RALGAPA2: variants seen among roughly 807,000 people sequenced by gnomAD.
The protein encoded by RALGAPA2 is ral GTPase-activating protein subunit alpha-2.
RALGAPA2 carries 139 observed loss-of-function variants against 230.4 expected under a neutral mutation model. The ratio of observed to expected loss-of-function variants is 0.60; its 90% CI spans 0.53 to 0.69. The LOEUF (loss-of-function observed/expected upper bound fraction) is 0.69, where lower values mean the gene tolerates loss of function less well. Ranked by LOEUF, RALGAPA2 falls within the 30% of genes least tolerant of loss-of-function variation. The pLI, the probability that RALGAPA2 is intolerant of heterozygous loss-of-function variation, is 0.00. For synonymous variants in RALGAPA2, 847 were observed against 837.8 expected (o/e 1.01, Z -0.19); for missense variants, 2,163 against 2,276.0 (o/e 0.95, Z 1.01).
At chr20:20,529,118 G>A (rs111314514) in intron 27 of RALGAPA2, among the ~76,000 whole-genome samples, 1,677 of 152,292 alleles carry the variant, frequency 0.011, 25 homozygotes, top group African/African-American at 0.039. Flanking sequence ...GGGGAGGGAG[G>A]TGTCCTCAGA....
intron 23 of RALGAPA2, among the ~76,000 whole-genome samples, chr20:20,551,052 C>T (rs2063910319): frequency 6.6e-6 from 1 of 152,198 alleles, no homozygotes; most frequent in African/African-American, 2.4e-5. Flanking sequence ...TTTCAAGCAA[C>T]ACCCTTAACA....
intron 37 of RALGAPA2, among the ~76,000 whole-genome samples, chr20:20,456,110 T>G (rs888876630): frequency 1.3e-5 from 2 of 152,260 alleles, no homozygotes; most frequent in African/African-American, 4.8e-5. Context: ...ATCAGTTATC[T>G]TTTCAGTATC....
chr20:20,455,697 A>C (rs1252368906), intron 37 of RALGAPA2, among the ~76,000 whole-genome samples: 1 of 152,248 alleles, frequency 6.6e-6, no homozygotes, highest in African/African-American at 2.4e-5. Flanking sequence ...TACTATAAAA[A>C]GACACAATCC....
Position 20,535,805 on chromosome 20 carries a change from T to TA in RALGAPA2, c.3415-3dup, listed in dbSNP as rs748644848. On this transcript the variant is annotated splice_region_variant and splice_polypyrimidine_tract_variant and intron_variant, in intron 25 of 39. Transcript: ENST00000202677. ...CAGTAAAATATTTATGAGGTAATGC[T>TA]AAAAACACAAAATTAAGTAAAATAA... is the stretch of plus-strand genomic sequence containing the variant. 3.7e-5 allele frequency: 57 copies of TA among 1,545,214 alleles called. No homozygotes were observed. The highest frequency in any genetic ancestry group is 4.9e-5 in the Non-Finnish European group (56 of 1,144,256).
At chr20:20,575,869 A>ATGTC (rs2064803161) in intron 20 of RALGAPA2, among the ~76,000 whole-genome samples, 1 of 152,062 alleles carries the variant, frequency 6.6e-6, no homozygotes, top group African/African-American at 2.4e-5. Flanking sequence ...TTGTGGATTT[A>ATGTC]TGTCTTATTT....
chr20:20,484,940 TGTAGC>T (rs1032857261), intron 36 of RALGAPA2, among the ~76,000 whole-genome samples: 3 of 152,216 alleles, frequency 2.0e-5, no homozygotes, highest in African/African-American at 7.2e-5. Context: ...ACCGATTTGC[TGTAGC>T]TTAAGCTTGT....
intron 23 of RALGAPA2, among the ~76,000 whole-genome samples, chr20:20,552,163 T>G (rs2063944455): frequency 6.6e-6 from 1 of 152,184 alleles, no homozygotes; most frequent in Admixed American, 6.5e-5. Flanking sequence ...AACTGTACTT[T>G]CACACCAATT....
At chr20:20,472,065 T>C (rs952933194) in intron 37 of RALGAPA2, 1 of 152,228 alleles carries the variant, frequency 6.6e-6, no homozygotes, top group Non-Finnish European at 1.5e-5. Flanking sequence ...GGTCACTTTT[T>C]TTGCATCAAT....
intron 1 of RALGAPA2, among the ~76,000 whole-genome samples, chr20:20,707,245 G>A (rs1279996224): frequency 1.3e-5 from 2 of 152,190 alleles, no homozygotes; most frequent in East Asian, 3.8e-4. Flanking sequence ...GCTGCTAGCA[G>A]GGCCAATGGA....
chr20:20,585,233 T>C (rs1195460997), intron 18 of RALGAPA2, among the ~76,000 whole-genome samples: 4 of 152,202 alleles, frequency 2.6e-5, no homozygotes, highest in African/African-American at 9.7e-5. Context: ...TGGAAGGAAT[T>C]TGTTTTAAAG....
At chr20:20,699,247 A>C (rs2069245260) in intron 1 of RALGAPA2, among the ~76,000 whole-genome samples, 1 of 152,082 alleles carries the variant, frequency 6.6e-6, no homozygotes, top group Non-Finnish European at 1.5e-5. Context: ...ATATTTATTT[A>C]TTTTAGGAGC....
intron 9 of RALGAPA2, among the ~76,000 whole-genome samples, chr20:20,634,642 T>C (rs903587983): frequency 2.0e-5 from 3 of 152,176 alleles, no homozygotes; most frequent in African/African-American, 7.2e-5. Flanking sequence ...GTTCTGAGAC[T>C]TCTAGGGCAT....
intron 23 of RALGAPA2, among the ~76,000 whole-genome samples, chr20:20,554,413 C>T (rs910228645): frequency 6.6e-6 from 1 of 152,086 alleles, no homozygotes; most frequent in African/African-American, 2.4e-5. Context: ...GTCTTTTCAT[C>T]AGTTGATGGG....
chr20:20,572,463 C>A (rs965094807), intron 21 of RALGAPA2, among the ~76,000 whole-genome samples: 3 of 145,692 alleles, frequency 2.1e-5, no homozygotes, highest in Non-Finnish European at 3.0e-5. Context: ...AAAAAAAAAA[C>A]TTGTATGTAC....
chr20:20,611,010 T>G (rs1231707243), intron 14 of RALGAPA2, among the ~76,000 whole-genome samples: 2 of 152,130 alleles, frequency 1.3e-5, no homozygotes, highest in Non-Finnish European at 2.9e-5. Context: ...CCCATTCCCA[T>G]ACTTTCGTTC....
chr20:20,705,343 A>G (rs1162873806), intron 1 of RALGAPA2, among the ~76,000 whole-genome samples: 1 of 152,040 alleles, frequency 6.6e-6, no homozygotes, highest in Non-Finnish European at 1.5e-5. Flanking sequence ...AGGAGCTGGG[A>G]CCACAGCACA....
intron 16 of RALGAPA2, among the ~76,000 whole-genome samples, chr20:20,597,480 AT>A (rs2065492744): frequency 6.6e-6 from 1 of 152,214 alleles, no homozygotes; most frequent in Admixed American, 6.5e-5. Flanking sequence ...TGGTATTTAC[AT>A]AGCCATCAGA....
intron 10 of RALGAPA2, among the ~76,000 whole-genome samples, chr20:20,622,934 CAT>C (rs1009875454): frequency 6.6e-5 from 10 of 152,072 alleles, no homozygotes; most frequent in Middle Eastern, 3.4e-3. Flanking sequence ...ATAGAGCTAA[CAT>C]GTGTACTGAG....
chr20:20,494,955 C>T (rs2062161886), intron 36 of RALGAPA2, among the ~76,000 whole-genome samples, 162 bp downstream of exon 36: 1 of 152,116 alleles, frequency 6.6e-6, no homozygotes, highest in African/African-American at 2.4e-5. Context: ...AATCCCAATT[C>T]ATATTTAATT....
Sources: allele counts gnomAD v4.1 joint callset (sites outside exome capture counted in the v4.1 genomes callset), GRCh38; gene constraint gnomAD v4.1.1; transcripts MANE v1.5; gene names NCBI Gene and HGNC (gene_info 2026-07-23, HGNC 2026-07-21).